Variants in KCNQ1 observed in about 807,000 individuals in gnomAD.
KCNQ1 encodes the protein potassium voltage-gated channel subfamily Q member 1, also known as potassium voltage-gated channel subfamily KQT member 1.
KCNQ1 carries 49 observed loss-of-function variants against 72.4 expected under a neutral mutation model. That is an observed-to-expected ratio of 0.68 (90% CI 0.54 to 0.86). The LOEUF (loss-of-function observed/expected upper bound fraction) is 0.86. Ranked by LOEUF, KCNQ1 falls within the 40% of genes least tolerant of loss-of-function variation. KCNQ1 has a pLI of 0.00. For missense variants in KCNQ1, 790 were observed against 945.1 expected (o/e 0.84, Z 2.15); for synonymous variants, 450 against 412.6 (o/e 1.09, Z -1.10).
In KCNQ1 at chr11:2,617,659, A is replaced by G. The variant is rs1000460950; in HGVS notation, c.1393+28805A>G. 2.0e-5 allele frequency: 8 copies of G among 398,394 alleles called. No individual in the cohort carries two copies. Among genetic ancestry groups the G allele is most frequent in the African/African-American group, 1.6e-4 (8 of 48,614 alleles). The allele number at this position is 398,394 out of a possible 1,614,324, so 24.7% of individuals were successfully genotyped here. A position where few individuals can be genotyped will look rare whatever the true frequency, so the allele number is the denominator to read the frequency against. ...CCATTCTGTTTTTCATTATGACTGC[A>G]CCAATCTACAGTCCCACCAACACTG... On this transcript the variant is annotated intron_variant, in intron 10 of 15. Transcript: ENST00000155840. This position sits in a 1 kb window ranked among gnomAD's most constrained non-coding sequence, Gnocchi z 4.6.
intron 14 of KCNQ1, chr11:2,777,604 G>A: frequency 2.3e-6 from 1 of 429,660 alleles, no homozygotes; most frequent in South Asian, 2.7e-5. Context: ...AGTGTGGGCT[G>A]GTGTAACGGA....
Position 2,674,772 on chromosome 11 carries a change from C to T in KCNQ1, c.1514+12691C>T, listed in dbSNP as rs1850261351. ...CCCAGCCCAGTGCCAGACCAGCTTC[C>T]TGGAAACTCTCGCCAACTGCTGGCC... On this transcript the variant is annotated intron_variant, in intron 11 of 15. Transcript: ENST00000155840. The surrounding 1 kb of genome is among the most constrained non-coding windows in gnomAD (Gnocchi z 5.9). The T allele has an allele frequency of 2.5e-6, 1 of 395,172 alleles. No individual in the cohort carries two copies. 24.5% of individuals were successfully genotyped at this position (395,172 alleles called of 1,614,324 possible).
At chr11:2,833,946 C>A (rs1418447020) in intron 15 of KCNQ1, among the ~76,000 whole-genome samples, 1 of 152,240 alleles carries the variant, frequency 6.6e-6, no homozygotes, top group Non-Finnish European at 1.5e-5. Context: ...GCTCCCCCAC[C>A]TCCTCACCCC....
Position 2,669,856 on chromosome 11 carries a change from A to T in KCNQ1, c.1514+7775A>T, listed in dbSNP as rs56303864. ...GTTACCATGGGATACAAATGGGGTCACAACATATGGCTGTCAGCTGCTGTC... is the reference window on the plus strand; with the variant it reads ...GTTACCATGGGATACAAATGGGGTCTCAACATATGGCTGTCAGCTGCTGTC... On this transcript the variant is annotated intron_variant, in intron 11 of 15. Coordinates refer to ENST00000155840, the MANE Select transcript of KCNQ1 (RefSeq NM_000218.3). This position sits in a 1 kb window ranked among gnomAD's most constrained non-coding sequence, Gnocchi z 5.6. 2,213 of 398,666 alleles carry T rather than the reference A, an allele frequency of 5.6e-3. 43 individuals are homozygous for T. The highest frequency in any genetic ancestry group is 0.041 in the African/African-American group (2,016 of 48,748). The allele number at this position is 398,666 out of a possible 1,614,324, so 24.7% of individuals were successfully genotyped here.
Position 2,488,502 on chromosome 11 carries a change from T to G in KCNQ1, c.387-39426T>G, listed in dbSNP as rs973607767. Among the ~76,000 whole-genome samples the G allele has an allele frequency of 6.6e-6, 1 of 152,132 alleles. No homozygotes were observed. Among genetic ancestry groups the G allele is most frequent in the African/African-American group, 2.4e-5 (1 of 41,424 alleles). ...GGTCCAGGCTTTTCTTTGTTGAGAG[T>G]TTTTTGATTACTGATTCAATCTCCT... On this transcript the variant is annotated intron_variant, in intron 1 of 15. Transcript: ENST00000155840. This position sits in a 1 kb window ranked among gnomAD's most constrained non-coding sequence, Gnocchi z 5.1.
Position 2,693,426 on chromosome 11 carries a change from GC to G in KCNQ1, c.1514+31347del, listed in dbSNP as rs1333197364. 25 of 398,552 alleles carry G rather than the reference GC, an allele frequency of 6.3e-5. No homozygotes were observed. In the East Asian group the frequency reaches 8.9e-4, roughly 14 times the overall value. 24.7% of individuals were successfully genotyped at this position (398,552 alleles called of 1,614,324 possible). ...CCTAAGCTGGGAATAAGCTTGTTTT[GC>G]CAGGCGCTGGCCCCCCATCGAGTCC... On this transcript the variant is annotated intron_variant, in intron 11 of 15. Coordinates refer to ENST00000155840, the MANE Select transcript of KCNQ1 (RefSeq NM_000218.3).
In KCNQ1 at chr11:2,745,196, T is replaced by C. The variant is rs190911522; in HGVS notation, c.1515-23648T>C. Among the ~76,000 whole-genome samples, 7 of 152,342 alleles carry C rather than the reference T, an allele frequency of 4.6e-5. No homozygotes were observed. Among genetic ancestry groups the C allele is most frequent in the Admixed American group, 3.9e-4 (6 of 15,302 alleles). On this transcript the variant is annotated intron_variant, in intron 11 of 15. Transcript: ENST00000155840. The surrounding 1 kb of genome is among the most constrained non-coding windows in gnomAD (Gnocchi z 6.2). ...TTTCTTAAAAATTTCAACTGGAAGT[T>C]TGCTTGGGATTGCCTCGAATTTGCA...
chr11:2,542,706 A>C (rs1469984804), intron 2 of KCNQ1, among the ~76,000 whole-genome samples: 1 of 152,184 alleles, frequency 6.6e-6, no homozygotes, highest in African/African-American at 2.4e-5. Flanking sequence ...GTGCAATCAT[A>C]CAGTGTGTGG....
intron 11 of KCNQ1, among the ~76,000 whole-genome samples, chr11:2,756,581 G>A (rs1367262783): frequency 6.6e-6 from 1 of 152,084 alleles, no homozygotes; most frequent in Non-Finnish European, 1.5e-5. Flanking sequence ...TACAGTTGGG[G>A]TGGAGCTGTC....
chr11:2,592,473 G>A lies in KCNQ1; in HGVS notation c.1393+3619G>A, dbSNP rs1848683062. 6.6e-6 allele frequency among the ~76,000 whole-genome samples: 1 copy of A among 152,126 alleles called. No homozygotes were observed. The highest frequency in any genetic ancestry group is 6.5e-5 in the Admixed American group (1 of 15,278). On this transcript the variant is annotated intron_variant, in intron 10 of 15. Coordinates refer to ENST00000155840, the MANE Select transcript of KCNQ1 (RefSeq NM_000218.3). This position sits in a 1 kb window ranked among gnomAD's most constrained non-coding sequence, Gnocchi z 5.2. ...ACCAGCCCTCATCCCACGCAGCAGG[G>A]CCCGCTGCTGCTCCCTCAACCTTCT...
At chr11:2,609,762 A>T (rs4930138) in intron 10 of KCNQ1, 72,566 of 398,048 alleles carry the variant, frequency 0.18, 6,885 homozygotes, top group South Asian at 0.26. Context: ...ACATTTTATC[A>T]TTATGAGATA....
In KCNQ1 at chr11:2,715,188, G is replaced by T. The variant is rs183904285; in HGVS notation, c.1514+53107G>T. Among the ~76,000 whole-genome samples, 2 of 152,108 alleles carry T rather than the reference G, an allele frequency of 1.3e-5. No individual in the cohort carries two copies. The highest frequency in any genetic ancestry group is 2.4e-5 in the African/African-American group (1 of 41,416). On this transcript the variant is annotated intron_variant, in intron 11 of 15. Transcript: ENST00000155840. This position sits in a 1 kb window ranked among gnomAD's most constrained non-coding sequence, Gnocchi z 4.9. ...TCAGCATGGGCACCCCATGCCACCC[G>T]CTCCATTTACAGCCAAGGAGCCTCA... is the stretch of plus-strand genomic sequence containing the variant.
chr11:2,667,183 C>T (rs1850090738), intron 11 of KCNQ1: 1 of 398,690 alleles, frequency 2.5e-6, no homozygotes, highest in Non-Finnish European at 4.4e-6. Flanking sequence ...CTGCCATCAG[C>T]CCAGCTGTGG....
rs933293247 is a variant in KCNQ1, at chr11:2,698,776, G to C, written c.1514+36695G>C. 3.5e-5 allele frequency: 14 copies of C among 398,548 alleles called. No individual in the cohort carries two copies. The highest frequency in any genetic ancestry group is 1.9e-4 in the African/African-American group (9 of 48,616). The allele number at this position is 398,548 out of a possible 1,614,324, so 24.7% of individuals were successfully genotyped here. On this transcript the variant is annotated intron_variant, in intron 11 of 15. Coordinates refer to ENST00000155840, the MANE Select transcript of KCNQ1 (RefSeq NM_000218.3). The surrounding 1 kb of genome is among the most constrained non-coding windows in gnomAD (Gnocchi z 5.1). ...GAGCCATGATGCAGACTCCAGACCGGGATTCAGGTCCCCAACTCAGACTCC... is the reference window on the plus strand; with the variant it reads ...GAGCCATGATGCAGACTCCAGACCGCGATTCAGGTCCCCAACTCAGACTCC...
At chr11:2,485,787 C>T (rs748359774) in intron 1 of KCNQ1, among the ~76,000 whole-genome samples, 11 of 152,154 alleles carry the variant, frequency 7.2e-5, no homozygotes, top group Non-Finnish European at 1.6e-4. Flanking sequence ...TCATTGAGTA[C>T]TCTATTTGTC....
intron 7 of KCNQ1, 145 bp downstream of exon 7, chr11:2,583,690 C>T (rs906619127): frequency 3.5e-5 from 25 of 709,178 alleles, no homozygotes; most frequent in Non-Finnish European, 6.2e-5. Flanking sequence ...ACTCCAGAGC[C>T]CCACCTGCCC....
At chr11:2,656,122 G>C in intron 10 of KCNQ1, 1 of 398,636 alleles carries the variant, frequency 2.5e-6, no homozygotes, top group East Asian at 3.6e-5. Flanking sequence ...GTTCTAGCCT[G>C]TGCTCCATCG....
Position 2,642,503 on chromosome 11 carries a change from G to T in KCNQ1, c.1394-19458G>T. The T allele has an allele frequency of 2.5e-6, 1 of 397,854 alleles. No individual in the cohort carries two copies. The highest frequency in any genetic ancestry group is 1.3e-4 in the South Asian group (1 of 7,814). The allele number at this position is 397,854 out of a possible 1,614,324, so 24.6% of individuals were successfully genotyped here. On this transcript the variant is annotated intron_variant, in intron 10 of 15. Transcript: ENST00000155840. The surrounding 1 kb of genome is among the most constrained non-coding windows in gnomAD (Gnocchi z 4.3). ...AAGAGTTTTGATTTTTGTATTTCAT[G>T]GTATGAGTTGTAATATCCCCTTTTT...
In KCNQ1 at chr11:2,598,399, C is replaced by T. The variant is rs1002763431; in HGVS notation, c.1393+9545C>T. On this transcript the variant is annotated intron_variant, in intron 10 of 15. Coordinates refer to ENST00000155840, the MANE Select transcript of KCNQ1 (RefSeq NM_000218.3). The surrounding 1 kb of genome is among the most constrained non-coding windows in gnomAD (Gnocchi z 6.2). ...GAAAGGATGTAGCCTATGAAGTCTC[C>T]ACTTTTTTTAAAATGAAGATTTTCT... Among the ~76,000 whole-genome samples, 10 of 152,116 alleles carry T rather than the reference C, an allele frequency of 6.6e-5. No homozygotes were observed. Among genetic ancestry groups the T allele is most frequent in the Admixed American group, 5.2e-4 (8 of 15,288 alleles).
Sources: allele counts gnomAD v4.1 joint callset (sites outside exome capture counted in the v4.1 genomes callset), GRCh38; gene constraint gnomAD v4.1.1; non-coding constraint Gnocchi (gnomAD v3.1); transcripts MANE v1.5; gene names NCBI Gene and HGNC (gene_info 2026-07-23, HGNC 2026-07-21).